The following DLG2 variants were observed in gnomAD, a reference collection of about 807,000 sequenced individuals.
DLG2 encodes discs large MAGUK scaffold protein 2.
Under a neutral mutation model 132.5 loss-of-function variants are expected in DLG2, and 45 were observed. The ratio of observed to expected loss-of-function variants is 0.34; its 90% confidence interval spans 0.27 to 0.44. The LOEUF is 0.44. DLG2 is among the 20% of genes least tolerant of loss of function. The pLI is 1.00. For missense variants in DLG2, 1,045 were observed against 1,196.9 expected (o/e 0.87, Z 1.87); for synonymous variants, 424 against 419.6 (o/e 1.01, Z -0.13).
chr11:84,808,235 T>C (rs536970267), intron 6 of DLG2, among the ~76,000 whole-genome samples: 25 of 152,118 alleles, frequency 1.6e-4, no homozygotes, highest in Admixed American at 1.4e-3. Flanking sequence ...AAATAATACA[T>C]GTGTCAAGAG....
intron 16 of DLG2, among the ~76,000 whole-genome samples, chr11:83,839,006 T>C (rs1450418157): frequency 6.6e-6 from 1 of 152,194 alleles, no homozygotes; most frequent in East Asian, 1.9e-4. Flanking sequence ...AATACAGCTT[T>C]CAAAGGTCAT....
intron 9 of DLG2, among the ~76,000 whole-genome samples, chr11:84,112,172 G>A (rs536710007): frequency 6.6e-6 from 1 of 151,790 alleles, no homozygotes; most frequent in African/African-American, 2.4e-5. Context: ...GCTAATTTTT[G>A]TATTTTTAGT....
At chr11:83,557,266 A>G (rs1344806919) in intron 19 of DLG2, among the ~76,000 whole-genome samples, 1 of 152,226 alleles carries the variant, frequency 6.6e-6, no homozygotes, top group Admixed American at 6.5e-5. Flanking sequence ...ATGCAACAAT[A>G]AAAGCATGTA....
chr11:84,952,271 C>T (rs564790931), intron 6 of DLG2, among the ~76,000 whole-genome samples: 2 of 152,292 alleles, frequency 1.3e-5, no homozygotes, highest in South Asian at 2.1e-4. Context: ...ACTGGCCGGG[C>T]GCGGTGGCTC....
intron 19 of DLG2, among the ~76,000 whole-genome samples, chr11:83,560,879 A>C (rs556297132): frequency 6.6e-6 from 1 of 152,280 alleles, no homozygotes; most frequent in African/African-American, 2.4e-5. Context: ...TCACATTGCT[A>C]TAAGGAAATA....
At chr11:83,560,725 G>C (rs565543717) in intron 19 of DLG2, among the ~76,000 whole-genome samples, 1 of 152,264 alleles carries the variant, frequency 6.6e-6, no homozygotes, top group African/African-American at 2.4e-5. Flanking sequence ...GACGTAGAAT[G>C]ATCAGGGATT....
intron 18 of DLG2, among the ~76,000 whole-genome samples, chr11:83,694,248 G>C (rs2081485801): frequency 6.6e-6 from 1 of 152,192 alleles, no homozygotes; most frequent in Admixed American, 6.5e-5. Flanking sequence ...CTCTTCTGCT[G>C]GAGAATCTAG....
chr11:85,088,028 ATTG>A (rs2068220382), intron 6 of DLG2, among the ~76,000 whole-genome samples: 1 of 152,244 alleles, frequency 6.6e-6, no homozygotes, highest in East Asian at 1.9e-4. Flanking sequence ...TGAATAGTGT[ATTG>A]TTGTAAAATA....
chr11:84,597,207 G>A (rs988231435), intron 6 of DLG2, among the ~76,000 whole-genome samples: 1 of 151,788 alleles, frequency 6.6e-6, no homozygotes, highest in African/African-American at 2.4e-5. Context: ...ATGACAGATC[G>A]AGACTCTGTC....
intron 7 of DLG2, among the ~76,000 whole-genome samples, chr11:84,503,219 G>A (rs1294393944): frequency 6.6e-6 from 1 of 152,134 alleles, no homozygotes; most frequent in African/African-American, 2.4e-5. Flanking sequence ...GAAAACGCTC[G>A]AAGATAAGAA....
At chr11:85,595,455 T>G (rs1447016062) in intron 3 of DLG2, among the ~76,000 whole-genome samples, 1 of 152,222 alleles carries the variant, frequency 6.6e-6, no homozygotes, top group African/African-American at 2.4e-5. Context: ...GGATAAATGT[T>G]TCCTTAGTAT....
chr11:84,846,246 C>G lies in DLG2; in HGVS notation c.357+265415G>C, dbSNP rs539251997. Among the ~76,000 whole-genome samples the G allele has an allele frequency of 8.1e-4, 124 of 152,216 alleles. 3 individuals are homozygous for G. In the South Asian group the frequency reaches 0.025, roughly 30 times the overall value. On this transcript the variant is annotated intron_variant, in intron 6 of 27. Coordinates refer to ENST00000376104, the MANE Select transcript of DLG2 (RefSeq NM_001142699.3). Reference sequence around the variant, plus strand: ...TCTACTTTTTGACTTGAAATCTTCACTTATGTGTCTAACATATCTCTTAAA... The same window carrying G: ...TCTACTTTTTGACTTGAAATCTTCAGTTATGTGTCTAACATATCTCTTAAA...
chr11:85,480,736 G>A (rs1389152860), intron 3 of DLG2, among the ~76,000 whole-genome samples: 1 of 152,072 alleles, frequency 6.6e-6, no homozygotes, highest in Non-Finnish European at 1.5e-5. Flanking sequence ...TAAAAAACAA[G>A]TGAACTGTAA....
At chr11:84,513,484 C>G (rs2099263164) in intron 7 of DLG2, among the ~76,000 whole-genome samples, 1 of 151,976 alleles carries the variant, frequency 6.6e-6, no homozygotes, top group African/African-American at 2.4e-5. Context: ...GGCATAAAAA[C>G]AGAGAAATAG....
At chr11:84,019,067 T>C (rs902409775) in intron 11 of DLG2, among the ~76,000 whole-genome samples, 2 of 152,046 alleles carry the variant, frequency 1.3e-5, no homozygotes, top group Non-Finnish European at 2.9e-5. Context: ...TTCTAGGTGG[T>C]AGTTACAGGA....
chr11:83,932,341 TCTC>T (rs1243698996), intron 14 of DLG2, among the ~76,000 whole-genome samples: 1 of 151,906 alleles, frequency 6.6e-6, no homozygotes, highest in Non-Finnish European at 1.5e-5. Flanking sequence ...TTCACGCCAT[TCTC>T]CTGCCCCAGC....
intron 18 of DLG2, among the ~76,000 whole-genome samples, chr11:83,752,989 G>T: frequency 6.6e-6 from 1 of 152,262 alleles, no homozygotes; most frequent in East Asian, 1.9e-4. Flanking sequence ...GGTAAGAGGA[G>T]AAATAAAAAG....
intron 6 of DLG2, among the ~76,000 whole-genome samples, chr11:84,541,411 T>C (rs986724920): frequency 2.0e-5 from 3 of 152,040 alleles, no homozygotes; most frequent in African/African-American, 7.2e-5. Context: ...GATTCCTTCA[T>C]CAAGCAAACT....
rs2060030963 is a variant in DLG2 at position 85,021,169 on chromosome 11, T to C, written c.357+90492A>G. 5.4e-6 allele frequency: 5 copies of C among 930,904 alleles called. No individual in the cohort carries two copies. The East Asian group carries it at 7.2e-5, about 13-fold the overall frequency. 57.7% of individuals were successfully genotyped at this position (930,904 alleles called of 1,614,324 possible). A position where few individuals can be genotyped will look rare whatever the true frequency, so the allele number is the denominator to read the frequency against. ...AGATCCCCGCTGCCCATTCTTAGAATTGAAGCCAGCTTTTTCCCTTCGTGA... is the reference window on the plus strand; with the variant it reads ...AGATCCCCGCTGCCCATTCTTAGAACTGAAGCCAGCTTTTTCCCTTCGTGA... On this transcript the variant is annotated intron_variant, in intron 6 of 27. Coordinates refer to ENST00000376104, the MANE Select transcript of DLG2 (RefSeq NM_001142699.3).
Sources: allele counts gnomAD v4.1 joint callset (sites outside exome capture counted in the v4.1 genomes callset), GRCh38; gene constraint gnomAD v4.1.1; transcripts MANE v1.5; gene names NCBI Gene and HGNC (gene_info 2026-07-23, HGNC 2026-07-21).